Variants in DMD observed in about 807,000 individuals in gnomAD.
DMD encodes mutant dystrophin.
DMD carries 63 observed loss-of-function variants against 330.1 expected under a neutral mutation model. That is an observed-to-expected ratio of 0.19 (90% CI 0.16 to 0.24). The LOEUF is 0.24. Ranked by LOEUF, DMD falls within the 10% of genes least tolerant of loss-of-function variation. The pLI, the probability that DMD is intolerant of heterozygous loss-of-function variation, is 1.00. For missense variants in DMD, 3,344 were observed against 2,684.1 expected (o/e 1.25, Z -5.43); for synonymous variants, 1,223 against 959.8 (o/e 1.27, Z -5.07).
intron 55 of DMD, among the ~76,000 whole-genome samples, chrX:31,518,966 T>G (rs931244078): frequency 9.0e-6 from 1 of 111,650 alleles, no homozygotes; most frequent in Non-Finnish European, 1.9e-5. Flanking sequence ...CACAGCAACA[T>G]AATTATAATA....
At position 31,618,324 on chromosome X, in the gene DMD, A is replaced by G. The variant is rs185144753; in HGVS notation, c.8217+9349T>C. 3.6e-5 allele frequency among the ~76,000 whole-genome samples: 4 copies of G among 111,536 alleles called. No homozygotes were observed. The Admixed American group carries it at 3.8e-4, about 11-fold the overall frequency. Reference sequence around the variant, plus strand: ...TATAATATATCACCCTGGCAAGTCAAAAGGTGAGACATTTTTCAGTAGGCT... The same window carrying G: ...TATAATATATCACCCTGGCAAGTCAGAAGGTGAGACATTTTTCAGTAGGCT... On this transcript the variant is annotated intron_variant, in intron 55 of 78. Coordinates refer to ENST00000357033, the MANE Select transcript of DMD (RefSeq NM_004006.3).
chrX:32,533,993 A>G lies in DMD; in HGVS notation c.2168+11166T>C, dbSNP rs188423230. ...TACTTAATGCCCCACTGCCAGCATCATGACCTGTTTCAATCCATCTACTGT... is the reference window on the plus strand; with the variant it reads ...TACTTAATGCCCCACTGCCAGCATCGTGACCTGTTTCAATCCATCTACTGT... On this transcript the variant is annotated intron_variant, in intron 17 of 78. Transcript: ENST00000357033. Among the ~76,000 whole-genome samples the G allele has an allele frequency of 1.7e-4, 19 of 112,160 alleles. No individual in the cohort carries two copies. The East Asian group carries it at 5.3e-3, about 32-fold the overall frequency.
chrX:32,015,724 C>T, intron 44 of DMD, among the ~76,000 whole-genome samples: 1 of 112,090 alleles, frequency 8.9e-6, no homozygotes, highest in Middle Eastern at 4.6e-3. Context: ...GAAACAAGTA[C>T]ATAAGGCAAA....
chrX:32,179,843 C>T (rs1344738464), intron 44 of DMD, among the ~76,000 whole-genome samples: 1 of 111,574 alleles, frequency 9.0e-6, no homozygotes, highest in Non-Finnish European at 1.9e-5. Flanking sequence ...TTTTCCTGCA[C>T]ACGCTCTTGC....
chrX:33,081,234 C>G (rs761451805), intron 1 of DMD, among the ~76,000 whole-genome samples: 2 of 111,379 alleles, frequency 1.8e-5, no homozygotes, highest in South Asian at 3.8e-4. Flanking sequence ...CGGGAGAAGA[C>G]AGTACAGTGC....
intron 60 of DMD, among the ~76,000 whole-genome samples, chrX:31,380,272 C>T (rs1444842813): frequency 9.0e-6 from 1 of 110,795 alleles, no homozygotes; most frequent in Non-Finnish European, 1.9e-5. Flanking sequence ...GGCCGAGACA[C>T]TTTAACTAAA....
intron 53 of DMD, among the ~76,000 whole-genome samples, chrX:31,670,645 G>A (rs918462081): frequency 5.4e-5 from 6 of 111,532 alleles, no homozygotes; most frequent in Admixed American, 1.9e-4. Flanking sequence ...AATGATGGCC[G>A]TTAATCATTA....
intron 2 of DMD, among the ~76,000 whole-genome samples, chrX:32,900,860 G>T (rs1472273215): frequency 9.0e-6 from 1 of 111,567 alleles, no homozygotes; most frequent in Non-Finnish European, 1.9e-5. Flanking sequence ...TTAAAATTAT[G>T]AAGTGTTAAA....
chrX:33,084,735 C>A (rs933038936), intron 1 of DMD, among the ~76,000 whole-genome samples: 3 of 111,737 alleles, frequency 2.7e-5, no homozygotes, highest in Non-Finnish European at 5.6e-5. Flanking sequence ...ATTTCTAATA[C>A]TGTGGCTGAT....
At chrX:32,216,824 C>A in intron 44 of DMD, 92 bp downstream of exon 44, 1 of 833,259 alleles carries the variant, frequency 1.2e-6, no homozygotes, top group Non-Finnish European at 1.8e-6. Flanking sequence ...AAGTAATTTC[C>A]ATCACCCTTC....
At position 31,134,135 on chromosome X, in the gene DMD, C is replaced by A; in HGVS notation, c.10981G>T (p.Glu3661Ter). The change falls in exon 77 of 79, where the codon GAG becomes TAG. Residue 3661 changes from glutamate (E) to a stop codon, truncating the protein, a stop_gained. Transcript: ENST00000357033. LOFTEE classifies it high-confidence loss of function. ...CTAGGGAAGGAGTTGTTGAGTTGCT[C>A]CATCACCTCCTCTAACCCTGTGCTT... The part of the protein sequence containing the change: ...DTSTGLEEVM[E>*]QLNNSFPSSR... 8.3e-7 allele frequency: 1 copy of A among 1,211,045 alleles called. No individual in the cohort carries two copies. The highest frequency in any genetic ancestry group is 1.1e-6 in the Non-Finnish European group (1 of 895,108).
intron 1 of DMD, among the ~76,000 whole-genome samples, chrX:33,124,492 A>G (rs1603315394): frequency 9.5e-6 from 1 of 105,422 alleles, no homozygotes; most frequent in South Asian, 4.2e-4. Context: ...AAAAAAAAAA[A>G]AAAAAAAAAA....
chrX:32,008,525 C>A (rs1287112433), intron 44 of DMD, among the ~76,000 whole-genome samples: 1 of 111,782 alleles, frequency 8.9e-6, no homozygotes, highest in African/African-American at 3.2e-5. Flanking sequence ...ACGTGCTTTG[C>A]CATTCTCTTG....
intron 12 of DMD, among the ~76,000 whole-genome samples, chrX:32,596,271 T>C (rs1164129355): frequency 9.5e-6 from 1 of 105,018 alleles, no homozygotes; most frequent in East Asian, 3.1e-4. Context: ...CCGGTCCTCC[T>C]ACTGTCCTAT....
intron 17 of DMD, among the ~76,000 whole-genome samples, chrX:32,542,376 AAG>A (rs769436497): frequency 2.8e-4 from 31 of 111,905 alleles, no homozygotes; most frequent in African/African-American, 9.7e-4. Context: ...AGGTTGCAGT[AAG>A]CTGAGATCCC....
intron 12 of DMD, among the ~76,000 whole-genome samples, chrX:32,612,922 A>C (rs1046835481): frequency 4.5e-5 from 5 of 111,115 alleles, no homozygotes; most frequent in African/African-American, 1.6e-4. Context: ...CTTAAAAAAA[A>C]CTCTAGAACT....
At position 32,050,974 on chromosome X, in the gene DMD, CT is replaced by C. The variant is rs761835866; in HGVS notation, c.6439-82461del. Among the ~76,000 whole-genome samples, 96 of 78,049 alleles carry C rather than the reference CT, an allele frequency of 1.2e-3. 1 individual carries two copies. Among genetic ancestry groups the C allele is most frequent in the Middle Eastern group, 0.013 (2 of 149 alleles). 67.8% of individuals were successfully genotyped at this position (78,049 alleles called of 115,157 possible). On this transcript the variant is annotated intron_variant, in intron 44 of 78. Transcript: ENST00000357033. Reference sequence around the variant, plus strand: ...TTACATTGCCTCAGGCTAACTTCCTCTTTTTTTTTTTTTCCCCCTAATAGAG... The same window carrying C: ...TTACATTGCCTCAGGCTAACTTCCTCTTTTTTTTTTTTCCCCCTAATAGAG...
At chrX:31,981,716 C>A (rs563356492) in intron 44 of DMD, among the ~76,000 whole-genome samples, 1 of 111,497 alleles carries the variant, frequency 9.0e-6, no homozygotes, top group East Asian at 2.8e-4. Context: ...GGAGAATGTT[C>A]ATCAGACTGG....
At chrX:31,523,877 T>C (rs780232983) in intron 55 of DMD, among the ~76,000 whole-genome samples, 7 of 112,146 alleles carry the variant, frequency 6.2e-5, no homozygotes, top group Admixed American at 5.7e-4. Flanking sequence ...ATGCCTGTTG[T>C]AGAGAAAAGA....
Sources: gnomAD v4.1 joint callset for allele counts (sites outside exome capture counted in the v4.1 genomes callset) on GRCh38, gnomAD v4.1.1 for gene constraint, MANE v1.5 for transcripts, NCBI Gene and HGNC (gene_info 2026-07-23, HGNC 2026-07-21) for gene names.